Variants in SNTG1 observed in about 807,000 individuals in gnomAD.
The protein encoded by SNTG1 is syntrophin gamma 1.
A neutral mutation model predicts 74.7 loss-of-function variants in SNTG1; 39 were observed. The ratio of observed to expected loss-of-function variants is 0.52; its 90% confidence interval spans 0.40 to 0.68. SNTG1 has a LOEUF of 0.68. Ranked by LOEUF, SNTG1 falls within the 30% of genes least tolerant of loss-of-function variation. The pLI is 0.00. For missense variants in SNTG1, 685 were observed against 609.5 expected (o/e 1.12, Z -1.30); for synonymous variants, 254 against 217.1 (o/e 1.17, Z -1.49).
intron 1 of SNTG1, among the ~76,000 whole-genome samples, chr8:49,981,638 T>C (rs1812688362): frequency 6.6e-6 from 1 of 152,190 alleles, no homozygotes. Flanking sequence ...TCATTACATC[T>C]TGTTATAATA....
chr8:50,206,354 A>G (rs543728622), intron 2 of SNTG1, among the ~76,000 whole-genome samples: 24 of 152,152 alleles, frequency 1.6e-4, no homozygotes, highest in African/African-American at 5.5e-4. Context: ...TTCACTCTTT[A>G]TTTGGCTCTC....
chr8:50,561,211 C>G (rs1017990443), intron 12 of SNTG1, among the ~76,000 whole-genome samples: 2 of 152,106 alleles, frequency 1.3e-5, no homozygotes, highest in Non-Finnish European at 2.9e-5. Context: ...TTTGCTGTCT[C>G]TCTCCTGCTG....
intron 1 of SNTG1, among the ~76,000 whole-genome samples, chr8:50,000,672 C>T (rs907419984): frequency 4.6e-5 from 7 of 152,150 alleles, no homozygotes; most frequent in Middle Eastern, 3.2e-3. Flanking sequence ...GAAGCTTTTA[C>T]GCTCTCGTGC....
chr8:49,941,015 G>A (rs1808636483), intron 1 of SNTG1, among the ~76,000 whole-genome samples: 1 of 152,158 alleles, frequency 6.6e-6, no homozygotes, highest in Non-Finnish European at 1.5e-5. Flanking sequence ...TTTAGAGATG[G>A]GAACGTGGAC....
chr8:50,767,376 G>T (rs1161810352), intron 18 of SNTG1, among the ~76,000 whole-genome samples: 1 of 151,856 alleles, frequency 6.6e-6, no homozygotes, highest in African/African-American at 2.4e-5. Context: ...GGAGAACTTT[G>T]TTTTATCTTT....
intron 1 of SNTG1, among the ~76,000 whole-genome samples, chr8:50,047,192 A>T (rs972961223): frequency 6.6e-6 from 1 of 152,140 alleles, no homozygotes; most frequent in Non-Finnish European, 1.5e-5. Flanking sequence ...CACAAATGTT[A>T]GCCAGGTATG....
rs570588671 is a variant in SNTG1 at position 50,370,630 on chromosome 8, A to G, written c.-27-23582A>G. On this transcript the variant is annotated intron_variant, in intron 2 of 18. Transcript: ENST00000642720. ...TAACCTTACATTGCCTGAAAAACCTATAATGGCCTCCCCAAAGGCAGTTAC... is the reference window on the plus strand; with the variant it reads ...TAACCTTACATTGCCTGAAAAACCTGTAATGGCCTCCCCAAAGGCAGTTAC... Among the ~76,000 whole-genome samples the G allele has an allele frequency of 3.7e-4, 56 of 152,172 alleles. No individual in the cohort carries two copies. The East Asian group carries it at 4.1e-3, about 11-fold the overall frequency.
chr8:50,658,272 A>T (rs1308114782), intron 14 of SNTG1, among the ~76,000 whole-genome samples: 5 of 152,078 alleles, frequency 3.3e-5, no homozygotes, highest in African/African-American at 9.6e-5. Flanking sequence ...AAAAAAAAAT[A>T]TGAGTGTGGA....
intron 15 of SNTG1, among the ~76,000 whole-genome samples, chr8:50,659,265 C>T (rs146318179): frequency 8.1e-4 from 123 of 152,100 alleles, no homozygotes; most frequent in African/African-American, 2.7e-3. Context: ...GTTTCTATAG[C>T]GTTTTTTAAA....
intron 2 of SNTG1, among the ~76,000 whole-genome samples, chr8:50,360,388 G>T (rs1206870881): frequency 1.3e-5 from 2 of 152,010 alleles, no homozygotes; most frequent in Non-Finnish European, 2.9e-5. Flanking sequence ...TTCTTTTTGG[G>T]TTTTCTTTTG....
chr8:50,577,877 G>A (rs962401021), intron 12 of SNTG1, among the ~76,000 whole-genome samples: 1 of 152,262 alleles, frequency 6.6e-6, no homozygotes, highest in Non-Finnish European at 1.5e-5. Flanking sequence ...TCTAGTAAAA[G>A]AAGAATTAAG....
chr8:50,453,043 TG>T (rs1305800073), intron 8 of SNTG1, among the ~76,000 whole-genome samples: 1 of 152,192 alleles, frequency 6.6e-6, no homozygotes, highest in Non-Finnish European at 1.5e-5. Flanking sequence ...TATGGAAGCA[TG>T]TTGTTTGTGC....
intron 2 of SNTG1, among the ~76,000 whole-genome samples, chr8:50,284,211 T>C (rs1291423008): frequency 6.6e-6 from 1 of 152,114 alleles, no homozygotes; most frequent in Non-Finnish European, 1.5e-5. Context: ...GATAAACATA[T>C]TCTTATGAAA....
intron 2 of SNTG1, among the ~76,000 whole-genome samples, chr8:50,246,942 G>A (rs922786511): frequency 2.6e-5 from 4 of 152,156 alleles, no homozygotes; most frequent in Non-Finnish European, 5.9e-5. Flanking sequence ...AAATGCTTCA[G>A]GATCTTGAAC....
intron 12 of SNTG1, among the ~76,000 whole-genome samples, chr8:50,586,047 C>A (rs1427258298): frequency 6.6e-6 from 1 of 152,134 alleles, no homozygotes. Context: ...CATTCCCCAC[C>A]CAGCCTGATT....
intron 1 of SNTG1, among the ~76,000 whole-genome samples, chr8:50,112,930 C>T (rs1374260405): frequency 6.6e-6 from 1 of 152,048 alleles, no homozygotes; most frequent in Non-Finnish European, 1.5e-5. Context: ...TCTGAGGGCT[C>T]TATTCTGTTC....
intron 5 of SNTG1, among the ~76,000 whole-genome samples, chr8:50,440,527 A>C (rs1024529829): frequency 6.6e-6 from 1 of 152,208 alleles, no homozygotes; most frequent in African/African-American, 2.4e-5. Flanking sequence ...ATTTAAAAAA[A>C]TGTATAAACT....
intron 1 of SNTG1, among the ~76,000 whole-genome samples, chr8:49,938,615 C>CTTTCTTTCTTTCTTTCTTTCTTTCTTTG (rs1808382865): frequency 4.4e-5 from 1 of 22,638 alleles, no homozygotes; most frequent in African/African-American, 1.0e-4. Flanking sequence ...TTCTTTCTTT[C>CTTTCTTTCTTTCTTTCTTTCTTTCTTTG]TTTCTTTCTT....
At chr8:50,514,044 G>C (rs2094110343) in intron 9 of SNTG1, among the ~76,000 whole-genome samples, 1 of 152,062 alleles carries the variant, frequency 6.6e-6, no homozygotes, top group South Asian at 2.1e-4. Context: ...TTCCTATTTG[G>C]CCATCTTGGC....
Sources: gnomAD v4.1 joint callset for allele counts (sites outside exome capture counted in the v4.1 genomes callset) on GRCh38, gnomAD v4.1.1 for gene constraint, MANE v1.5 for transcripts, NCBI Gene and HGNC (gene_info 2026-07-23, HGNC 2026-07-21) for gene names.